Variants in TENM2 observed in about 807,000 individuals in gnomAD.
TENM2 encodes the protein teneurin-2.
Under a neutral mutation model 245.2 loss-of-function variants are expected in TENM2, and 52 were observed. The ratio of observed to expected loss-of-function variants is 0.21; its 90% CI spans 0.17 to 0.27. TENM2 has a LOEUF of 0.27. Among genes scored for constraint, TENM2 ranks in the 10% least tolerant of loss-of-function variants. The pLI is 1.00. For synonymous variants in TENM2, 1,363 were observed against 1,438.9 expected (o/e 0.95, Z 1.19); for missense variants, 3,046 against 3,666.8 (o/e 0.83, Z 4.37).
At chr5:167,038,951 C>T in the TENM2 span, among the ~76,000 whole-genome samples, 5 of 152,038 alleles carry the variant, frequency 3.3e-5, no homozygotes, top group African/African-American at 1.2e-4. Context: ...GAGAAGGTGA[C>T]AGGATGATGA....
intron 27 of TENM2, among the ~76,000 whole-genome samples, chr5:168,253,641 G>A (rs1002151154): frequency 3.3e-5 from 5 of 151,868 alleles, no homozygotes; most frequent in Admixed American, 6.6e-5. Context: ...TAGCCAGGAT[G>A]GTCTCGATCT....
chr5:168,115,408 G>GGAAGGAAGGAAGGAAA (rs1458782856), intron 9 of TENM2, among the ~76,000 whole-genome samples: 144 of 122,964 alleles, frequency 1.2e-3, no homozygotes, highest in Non-Finnish European at 2.0e-3. Context: ...AAGGAAGGAA[G>GGAAGGAAGGAAGGAAA]GGAAAGGAAA....
the TENM2 span, among the ~76,000 whole-genome samples, chr5:167,148,053 C>T: frequency 1.3e-5 from 2 of 152,142 alleles, no homozygotes; most frequent in Admixed American, 6.6e-5. Flanking sequence ...AATCTGCCAT[C>T]GTGCTGTTAA....
chr5:167,447,534 T>C (rs1407590771), intron 2 of TENM2, among the ~76,000 whole-genome samples: 3 of 152,204 alleles, frequency 2.0e-5, no homozygotes. Flanking sequence ...AACTTTGACT[T>C]GGGTGAGGAT....
At chr5:167,226,826 G>C in the TENM2 span, among the ~76,000 whole-genome samples, 2 of 151,836 alleles carry the variant, frequency 1.3e-5, no homozygotes, top group Admixed American at 6.6e-5. Flanking sequence ...TCTTTCTTTA[G>C]ATCTAGTGAC....
At chr5:167,143,791 C>T in the TENM2 span, among the ~76,000 whole-genome samples, 7 of 152,270 alleles carry the variant, frequency 4.6e-5, no homozygotes, top group East Asian at 5.8e-4. Flanking sequence ...ATGACCACTG[C>T]GCTTTTAAAA....
chr5:167,288,326 G>A (rs766342164), intron 1 of TENM2, among the ~76,000 whole-genome samples: 3 of 152,144 alleles, frequency 2.0e-5, no homozygotes, highest in Non-Finnish European at 2.9e-5. Flanking sequence ...TTGGGAGGCC[G>A]AGGTGGGCGG....
intron 2 of TENM2, among the ~76,000 whole-genome samples, chr5:167,754,746 G>A (rs1417363323): frequency 6.9e-6 from 1 of 145,492 alleles, no homozygotes; most frequent in African/African-American, 2.5e-5. Context: ...AAAAAAGTCT[G>A]TGTCAAACAA....
At chr5:167,900,028 C>T (rs1775558660) in intron 3 of TENM2, among the ~76,000 whole-genome samples, 1 of 144,056 alleles carries the variant, frequency 6.9e-6, no homozygotes, top group African/African-American at 2.6e-5. Flanking sequence ...TGGATGATGC[C>T]AGGAAAAATT....
intron 2 of TENM2, among the ~76,000 whole-genome samples, chr5:167,631,760 T>C (rs560752383): frequency 1.3e-5 from 2 of 152,202 alleles, no homozygotes; most frequent in East Asian, 3.9e-4. Flanking sequence ...TTCACTTCCT[T>C]AGAAAAGCCC....
upstream of TENM2, among the ~76,000 whole-genome samples, chr5:167,283,774 A>G (rs1771185483): frequency 6.6e-6 from 1 of 152,200 alleles, no homozygotes. Context: ...AAATGAAATC[A>G]ATAAGAGCCT....
At position 168,222,348 on chromosome 5, in the gene TENM2, G is replaced by A. The variant is rs139161748; in HGVS notation, c.5108+3349G>A. Among the ~76,000 whole-genome samples the A allele has an allele frequency of 1.1e-3, 169 of 152,268 alleles. 2 individuals carry two copies. In the South Asian group the frequency reaches 0.018, roughly 16 times the overall value. ...AAAAACACATCACCCTTAAAAAGAG[G>A]CCCTCCAGAAGACAGAAATGATAAA... On this transcript the variant is annotated intron_variant, in intron 23 of 28. Transcript: ENST00000518659.
At chr5:167,492,755 A>G (rs1768516076) in intron 2 of TENM2, among the ~76,000 whole-genome samples, 1 of 152,078 alleles carries the variant, frequency 6.6e-6, no homozygotes, top group Non-Finnish European at 1.5e-5. Context: ...GGTGGTGGCC[A>G]ATGTGAGGAA....
the TENM2 span, among the ~76,000 whole-genome samples, chr5:167,260,693 A>G: frequency 3.2e-4 from 49 of 152,338 alleles, no homozygotes; most frequent in African/African-American, 1.1e-3. Context: ...AAATGAACAC[A>G]TATTTTCTGC....
At chr5:167,958,320 C>A (rs1338668548) in intron 4 of TENM2, among the ~76,000 whole-genome samples, 1 of 151,972 alleles carries the variant, frequency 6.6e-6, no homozygotes, top group African/African-American at 2.4e-5. Context: ...TTTTTGCTTT[C>A]CATTTGCTTG....
the TENM2 span, among the ~76,000 whole-genome samples, chr5:167,256,881 A>G: frequency 6.6e-6 from 1 of 152,142 alleles, no homozygotes; most frequent in African/African-American, 2.4e-5. Flanking sequence ...TTGGTGTGAG[A>G]TATGGGGAAG....
At chr5:167,782,247 A>G (rs1218568574) in intron 2 of TENM2, among the ~76,000 whole-genome samples, 1 of 130,450 alleles carries the variant, frequency 7.7e-6, no homozygotes, top group Non-Finnish European at 1.6e-5. Context: ...CAGGAGGTAG[A>G]GGTTGCGGTG....
intron 3 of TENM2, among the ~76,000 whole-genome samples, chr5:167,933,450 C>A (rs2151718864): frequency 6.6e-6 from 1 of 152,162 alleles, no homozygotes; most frequent in Admixed American, 6.5e-5. Context: ...CTGCATAGTA[C>A]AATATGTTTT....
At chr5:167,634,436 G>T (rs1426225405) in intron 2 of TENM2, among the ~76,000 whole-genome samples, 2 of 151,458 alleles carry the variant, frequency 1.3e-5, no homozygotes, top group Non-Finnish European at 2.9e-5. Flanking sequence ...GTTATATCAA[G>T]CACAAAGAAG....
Sources: allele counts gnomAD v4.1 joint callset (sites outside exome capture counted in the v4.1 genomes callset), GRCh38; gene constraint gnomAD v4.1.1; transcripts MANE v1.5; gene names NCBI Gene and HGNC (gene_info 2026-07-23, HGNC 2026-07-21).